The following PDK1 variants were observed in gnomAD, a reference collection of about 807,000 sequenced individuals.
The protein encoded by PDK1 is [Pyruvate dehydrogenase (acetyl-transferring)] kinase isozyme 1, mitochondrial.
In PDK1, 39 loss-of-function variants were observed where a neutral mutation model predicts 54.2. The ratio of observed to expected loss-of-function variants is 0.72; its 90% confidence interval spans 0.56 to 0.94. The LOEUF (loss-of-function observed/expected upper bound fraction) is 0.94. Among genes scored for constraint, PDK1 ranks in the 40% least tolerant of loss-of-function variants. The probability of loss-of-function intolerance (pLI) is 0.00; values close to 1 mark genes in which losing one functional copy is unlikely to be tolerated. For missense variants in PDK1, 552 were observed against 566.0 expected (o/e 0.98, Z 0.25); for synonymous variants, 221 against 207.1 (o/e 1.07, Z -0.58).
the PDK1 span, among the ~76,000 whole-genome samples, chr2:172,655,689 G>A: frequency 1.3e-4 from 20 of 152,312 alleles, no homozygotes; most frequent in African/African-American, 4.6e-4. Context: ...TACGGGATGG[G>A]GAGCAGGCAG....
the PDK1 span, among the ~76,000 whole-genome samples, chr2:172,694,370 G>A: frequency 6.6e-6 from 1 of 152,118 alleles, no homozygotes. Context: ...AAAAAGAATG[G>A]AAAATAGAAA....
At chr2:172,578,281 C>T (rs1558942578) in intron 8 of PDK1, among the ~76,000 whole-genome samples, 4 of 152,222 alleles carry the variant, frequency 2.6e-5, no homozygotes, top group African/African-American at 4.8e-5. Context: ...TTCACTCTCA[C>T]TGATTCTTTT....
chr2:172,682,192 C>A, the PDK1 span, among the ~76,000 whole-genome samples: 1 of 152,202 alleles, frequency 6.6e-6, no homozygotes, highest in African/African-American at 2.4e-5. Context: ...TATAGAGACC[C>A]CGAGGTGGGA....
chr2:172,630,579 T>G, the PDK1 span, among the ~76,000 whole-genome samples: 1 of 152,114 alleles, frequency 6.6e-6, no homozygotes, highest in Non-Finnish European at 1.5e-5. Context: ...CACTGAATAA[T>G]GATCCTTAAT....
At chr2:172,617,713 T>G in the PDK1 span, among the ~76,000 whole-genome samples, 1 of 152,152 alleles carries the variant, frequency 6.6e-6, no homozygotes, top group Non-Finnish European at 1.5e-5. Context: ...GGGATTAAGC[T>G]TCCAACACAT....
chr2:172,570,897 T>C (rs1639275828), intron 8 of PDK1, 73 bp downstream of exon 8: 1 of 812,884 alleles, frequency 1.2e-6, no homozygotes, highest in South Asian at 1.6e-5. Context: ...AAGGTAACCA[T>C]ACGCATAATT....
chr2:172,653,130 C>T, the PDK1 span, among the ~76,000 whole-genome samples: 2 of 152,186 alleles, frequency 1.3e-5, no homozygotes, highest in South Asian at 4.1e-4. Context: ...GAGATATAGA[C>T]CAATGGAACA....
At chr2:172,572,054 A>ACTCGAC (rs1399427580) in intron 8 of PDK1, among the ~76,000 whole-genome samples, 2 of 151,134 alleles carry the variant, frequency 1.3e-5, no homozygotes, top group Non-Finnish European at 3.0e-5. Flanking sequence ...CTGGTCTCGA[A>ACTCGAC]CTCGACCTCG....
intron 8 of PDK1, among the ~76,000 whole-genome samples, chr2:172,571,887 C>T (rs917976545): frequency 1.7e-5 from 2 of 120,092 alleles, no homozygotes; most frequent in African/African-American, 3.3e-5. Flanking sequence ...GGGTGGAATG[C>T]GGTAGTGTGA....
chr2:172,622,866 AATATG>A, the PDK1 span, among the ~76,000 whole-genome samples: 1 of 147,216 alleles, frequency 6.8e-6, no homozygotes, highest in East Asian at 1.9e-4. Flanking sequence ...TATGTAATAT[AATATG>A]ATATATGTTT....
chr2:172,651,250 T>G, the PDK1 span, among the ~76,000 whole-genome samples: 154 of 152,178 alleles, frequency 1.0e-3, 2 homozygotes, highest in African/African-American at 3.0e-3. Flanking sequence ...AATGAAGGCA[T>G]AAATAAAGAT....
chr2:172,684,037 T>C, the PDK1 span, among the ~76,000 whole-genome samples: 19 of 152,204 alleles, frequency 1.2e-4, no homozygotes, highest in South Asian at 3.9e-3. Flanking sequence ...GCAGCAGAAA[T>C]GGTAAGTTGG....
chr2:172,635,817 A>T, the PDK1 span, among the ~76,000 whole-genome samples: 2 of 152,134 alleles, frequency 1.3e-5, no homozygotes, highest in African/African-American at 2.4e-5. Context: ...TCTTCCCCAC[A>T]TCATTCCAGG....
chr2:172,576,251 T>C (rs115836750), intron 8 of PDK1, among the ~76,000 whole-genome samples: 1 of 152,334 alleles, frequency 6.6e-6, no homozygotes, highest in African/African-American at 2.4e-5. Context: ...TATAGGAATT[T>C]GTCCATTTCA....
chr2:172,571,249 A>T (rs1274439137), intron 8 of PDK1, among the ~76,000 whole-genome samples: 1 of 152,216 alleles, frequency 6.6e-6, no homozygotes, highest in East Asian at 1.9e-4. Context: ...AGGTGTGGAG[A>T]CTAAGACACA....
the PDK1 span, among the ~76,000 whole-genome samples, chr2:172,622,206 CAT>C: frequency 1.5e-5 from 2 of 134,842 alleles, no homozygotes; most frequent in Non-Finnish European, 3.1e-5. Flanking sequence ...ATGTTTATAT[CAT>C]GAGAGATATG....
rs148041296 is a variant in PDK1, at chr2:172,600,272, T to TA, written c.*4304dup. Reference sequence around the variant, plus strand: ...AATACTTAATATAGAGTTCTACAGTTACAGTATTGCATGAAAATACAGTAT... The same window carrying TA: ...AATACTTAATATAGAGTTCTACAGTTAACAGTATTGCATGAAAATACAGTAT... On this transcript the variant is annotated 3_prime_UTR_variant, in exon 11 of 11. Coordinates refer to ENST00000282077, the MANE Select transcript of PDK1 (RefSeq NM_002610.5). 1,003 of 152,290 alleles carry TA rather than the reference T, an allele frequency of 6.6e-3. 16 individuals carry two copies. Among genetic ancestry groups the TA allele is most frequent in the African/African-American group, 0.023 (971 of 41,548 alleles). The allele number at this position is 152,290 out of a possible 1,614,324, so 9.4% of individuals were successfully genotyped here. A position where few individuals can be genotyped will look rare whatever the true frequency, so the allele number is the denominator to read the frequency against.
At chr2:172,586,750 C>CT (rs1553483930) in intron 9 of PDK1, among the ~76,000 whole-genome samples, 1 of 152,096 alleles carries the variant, frequency 6.6e-6, no homozygotes, top group Non-Finnish European at 1.5e-5. Flanking sequence ...TTAGTGTTGA[C>CT]TTTTTTCTCA....
chr2:172,627,648 G>A, the PDK1 span, among the ~76,000 whole-genome samples: 2 of 152,244 alleles, frequency 1.3e-5, no homozygotes, highest in South Asian at 2.1e-4. Context: ...GGAAATTAAG[G>A]AAAATCTTGA....
Sources: gnomAD v4.1 joint callset for allele counts (sites outside exome capture counted in the v4.1 genomes callset) on GRCh38, gnomAD v4.1.1 for gene constraint, MANE v1.5 for transcripts, NCBI Gene and HGNC (gene_info 2026-07-23, HGNC 2026-07-21) for gene names.